Variants in DNAH7 observed in about 807,000 individuals in gnomAD.
The protein encoded by DNAH7 is axonemal beta dynein heavy chain 7.
In DNAH7, 397 loss-of-function variants were observed where a neutral mutation model predicts 444.6. The ratio of observed to expected loss-of-function variants is 0.89; its 90% confidence interval spans 0.82 to 0.97. The LOEUF (loss-of-function observed/expected upper bound fraction) is 0.97, where lower values mean the gene tolerates loss of function less well. Among genes scored for constraint, DNAH7 ranks in the 50% least tolerant of loss-of-function variants. DNAH7 has a pLI of 0.00. For missense variants in DNAH7, 4,902 were observed against 4,800.8 expected, an observed-to-expected ratio of 1.02 and a Z score of -0.62; for synonymous variants, 1,636 against 1,624.4, an observed-to-expected ratio of 1.01 and a Z score of -0.17.
At chr2:195,859,091 G>T (rs1244993213) in intron 42 of DNAH7, among the ~76,000 whole-genome samples, 2 of 152,176 alleles carry the variant, frequency 1.3e-5, no homozygotes, top group African/African-American at 4.8e-5. Context: ...TGGCGATGAG[G>T]CAAGGAGTCT....
chr2:195,831,064 T>G (rs914977067), intron 48 of DNAH7, among the ~76,000 whole-genome samples: 19 of 152,130 alleles, frequency 1.2e-4, no homozygotes, highest in Admixed American at 2.6e-4. Flanking sequence ...ATGAGAAAAG[T>G]AAGGAAGGCT....
chr2:195,910,528 AAAT>A (rs1230935144), intron 24 of DNAH7, among the ~76,000 whole-genome samples: 4 of 152,234 alleles, frequency 2.6e-5, no homozygotes, highest in Non-Finnish European at 5.9e-5. Context: ...ATAAGAAAAC[AAAT>A]AATAATTTAA....
intron 63 of DNAH7, among the ~76,000 whole-genome samples, chr2:195,751,441 C>A (rs766786677): frequency 2.0e-5 from 3 of 152,156 alleles, no homozygotes; most frequent in Non-Finnish European, 2.9e-5. Flanking sequence ...GTGCTAGACA[C>A]TGAGAGGCAC....
chr2:195,932,097 A>C (rs1431437105), intron 21 of DNAH7, among the ~76,000 whole-genome samples: 5 of 151,948 alleles, frequency 3.3e-5, no homozygotes, highest in African/African-American at 9.7e-5. Flanking sequence ...CTTTTATTTC[A>C]TTGAGCAGTG....
chr2:195,782,588 C>G (rs1695440489), intron 58 of DNAH7, among the ~76,000 whole-genome samples: 1 of 151,872 alleles, frequency 6.6e-6, no homozygotes, highest in Non-Finnish European at 1.5e-5. Context: ...TGTAAATTAG[C>G]CATTTTTTTC....
intron 10 of DNAH7, among the ~76,000 whole-genome samples, chr2:196,012,151 T>C (rs1694760084): frequency 6.6e-6 from 1 of 152,168 alleles, no homozygotes; most frequent in South Asian, 2.1e-4. Flanking sequence ...TGTCCTCTGC[T>C]ACCTTAAATT....
intron 46 of DNAH7, among the ~76,000 whole-genome samples, chr2:195,847,791 G>C (rs537732506): frequency 6.6e-5 from 10 of 152,218 alleles, no homozygotes; most frequent in Admixed American, 2.0e-4. Flanking sequence ...CAGTAGGAGA[G>C]ACGGAAAACT....
chr2:195,841,212 TTC>T (rs1219122110), intron 47 of DNAH7, among the ~76,000 whole-genome samples: 1 of 151,318 alleles, frequency 6.6e-6, no homozygotes. Context: ...ATTGTATATT[TTC>T]TCTCTCTTTC....
chr2:195,839,647 C>T (rs1263345528), intron 47 of DNAH7, among the ~76,000 whole-genome samples: 2 of 151,606 alleles, frequency 1.3e-5, no homozygotes, highest in Non-Finnish European at 3.0e-5. Flanking sequence ...AGAAAGAATA[C>T]ACAAATTATC....
intron 17 of DNAH7, among the ~76,000 whole-genome samples, chr2:195,964,158 A>G (rs1691304156): frequency 6.6e-6 from 1 of 152,066 alleles, no homozygotes; most frequent in Non-Finnish European, 1.5e-5. Flanking sequence ...AAAATTTAGG[A>G]GTGTTTTTTC....
rs777941465 is a variant in DNAH7 at position 195,796,668 on chromosome 2, A to G, written c.10423T>C (p.Leu3475=). 2 of 1,614,176 alleles carry G rather than the reference A, an allele frequency of 1.2e-6. No homozygotes were observed. Among genetic ancestry groups the G allele is most frequent in the Admixed American group, 3.3e-5 (2 of 60,022 alleles). The change falls in exon 56 of 65, where the codon TTA becomes CTA. Residue 3475 remains leucine, a synonymous_variant. Coordinates refer to ENST00000312428, the MANE Select transcript of DNAH7 (RefSeq NM_018897.3). ...QGQGPIAMKM[L]EKAVKEGTWV... The stretch of plus-strand genomic sequence containing the variant: ...GTTCCTTCCTTGACAGCTTTTTCTA[A>G]CATCTTCATAGCAATGGGCCCTTGG...
At chr2:195,953,619 C>T (rs1209014409) in intron 19 of DNAH7, among the ~76,000 whole-genome samples, 1 of 152,214 alleles carries the variant, frequency 6.6e-6, no homozygotes, top group African/African-American at 2.4e-5. Context: ...GCCTTTCTTT[C>T]AGAGATGCCC....
chr2:195,953,567 G>T (rs754142053), intron 19 of DNAH7, among the ~76,000 whole-genome samples: 5 of 152,194 alleles, frequency 3.3e-5, no homozygotes, highest in African/African-American at 7.2e-5. Context: ...TCTGTCCCAG[G>T]GAGATGGGAG....
intron 12 of DNAH7, among the ~76,000 whole-genome samples, chr2:195,992,381 T>TC (rs1002661478): frequency 6.6e-6 from 1 of 152,198 alleles, no homozygotes; most frequent in Admixed American, 6.5e-5. Context: ...TTTGTTTTTT[T>TC]CCCAAACTTA....
chr2:195,824,534 TATAG>T (rs1473218086), intron 48 of DNAH7, 89 bp from the exon 49 acceptor site: 3 of 1,148,408 alleles, frequency 2.6e-6, no homozygotes, highest in South Asian at 2.0e-5. Flanking sequence ...CTTTCAGCCT[TATAG>T]ATAAATTCTG....
rs538578187 is a variant in DNAH7, at chr2:195,886,153, G to A, written c.5526C>T (p.Tyr1842=). The A allele has an allele frequency of 1.8e-4, 283 of 1,613,210 alleles. No individual in the cohort carries two copies. The highest frequency in any genetic ancestry group is 2.3e-4 in the Non-Finnish European group (268 of 1,179,622). The change falls in exon 34 of 65, where the codon TAC becomes TAT. Residue 1842 remains tyrosine (Y), a synonymous_variant. Coordinates refer to ENST00000312428, the MANE Select transcript of DNAH7 (RefSeq NM_018897.3). ...KLKERNDRET[Y]SLLEGIFLFS... ...CAACGGACCTTACCTCAAGCAAAGA[G>A]TAAGTTTCTCGATCATTTCTCTCCT...
intron 17 of DNAH7, among the ~76,000 whole-genome samples, chr2:195,968,658 T>G (rs543316969): frequency 3.7e-4 from 57 of 152,302 alleles, no homozygotes; most frequent in African/African-American, 1.3e-3. Flanking sequence ...GTTAACCCAG[T>G]TCACCAGCTC....
chr2:196,065,819 C>A (rs1698399048), intron 1 of DNAH7, among the ~76,000 whole-genome samples: 1 of 152,224 alleles, frequency 6.6e-6, no homozygotes, highest in South Asian at 2.1e-4. Flanking sequence ...TGTCCTACTG[C>A]TGTTAATCCT....
At chr2:195,773,499 C>A (rs1347018301) in intron 60 of DNAH7, among the ~76,000 whole-genome samples, 1 of 151,900 alleles carries the variant, frequency 6.6e-6, no homozygotes, top group Admixed American at 6.6e-5. Flanking sequence ...AAACATTCCC[C>A]TTACCTATTT....
Sources: allele counts gnomAD v4.1 joint callset (sites outside exome capture counted in the v4.1 genomes callset), GRCh38; gene constraint gnomAD v4.1.1; transcripts MANE v1.5; gene names NCBI Gene and HGNC (gene_info 2026-07-23, HGNC 2026-07-21).